Variants in ADAMTSL1 observed in about 807,000 individuals in gnomAD.
The protein encoded by ADAMTSL1 is ADAMTS like 1.
A neutral mutation model predicts 201.8 loss-of-function variants in ADAMTSL1; 126 were observed. The observed-to-expected ratio is 0.62, with a 90% CI of 0.54 to 0.72. The LOEUF (loss-of-function observed/expected upper bound fraction) is 0.72, where lower values mean the gene tolerates loss of function less well. ADAMTSL1 is among the 30% of genes least tolerant of loss of function. The pLI is 0.00. For missense variants in ADAMTSL1, 2,679 were observed against 2,277.8 expected (o/e 1.18, Z -3.59); for synonymous variants, 1,121 against 903.4 (o/e 1.24, Z -4.32).
chr9:18,609,121 G>A (rs1357945877), intron 4 of ADAMTSL1, among the ~76,000 whole-genome samples: 1 of 152,130 alleles, frequency 6.6e-6, no homozygotes, highest in African/African-American at 2.4e-5. Flanking sequence ...GAATGACTAT[G>A]AGAAATCTCT....
At chr9:18,538,972 T>C (rs1168737935) in intron 3 of ADAMTSL1, among the ~76,000 whole-genome samples, 1 of 152,140 alleles carries the variant, frequency 6.6e-6, no homozygotes, top group Admixed American at 6.5e-5. Flanking sequence ...AGAGATGCTC[T>C]AGTAAATAAT....
In ADAMTSL1 at chr9:18,439,066, A is replaced by T. The variant is rs533779040; in HGVS notation, c.208-65763A>T. On this transcript the variant is annotated intron_variant, in intron 2 of 29. Coordinates refer to the ADAMTSL1 transcript ENST00000680146. ...TTGGTTTCCTGCAAAATTCCTTTGG[A>T]GGCTTCCTGGACGTTGCATTCCGAA... Among the ~76,000 whole-genome samples the T allele has an allele frequency of 8.0e-5, 12 of 149,786 alleles. No individual in the cohort carries two copies. In the South Asian group the frequency reaches 2.3e-3, roughly 29 times the overall value.
intron 1 of ADAMTSL1, among the ~76,000 whole-genome samples, chr9:18,063,586 T>G (rs1822556135): frequency 6.6e-6 from 1 of 152,232 alleles, no homozygotes; most frequent in South Asian, 2.1e-4. Context: ...GCGAAGCGAA[T>G]GCAGGGAAGG....
At chr9:18,290,769 C>CTTTTTTTTTTTTTTTTTTTT (rs1345749640) in intron 2 of ADAMTSL1, among the ~76,000 whole-genome samples, 1 of 82,718 alleles carries the variant, frequency 1.2e-5, no homozygotes, top group African/African-American at 4.3e-5. Flanking sequence ...TGAAAGCTGG[C>CTTTTTTTTTTTTTTTTTTTT]TTTTTTTGTG....
intron 2 of ADAMTSL1, among the ~76,000 whole-genome samples, chr9:18,284,613 C>T (rs57582354): frequency 0.034 from 5,130 of 152,234 alleles, 301 homozygotes; most frequent in African/African-American, 0.12. Flanking sequence ...CCAAAACTCA[C>T]GGCCTCAAGT....
At chr9:18,718,111 G>T (rs1383061028) in intron 14 of ADAMTSL1, 7 of 1,235,878 alleles carry the variant, frequency 5.7e-6, no homozygotes, top group South Asian at 1.2e-5. Context: ...ATGCACAGTT[G>T]TTCCATTGTC....
intron 4 of ADAMTSL1, among the ~76,000 whole-genome samples, chr9:18,621,068 A>C (rs1294604707): frequency 2.0e-5 from 3 of 152,222 alleles, no homozygotes; most frequent in African/African-American, 7.2e-5. Flanking sequence ...ACGAACTGTG[A>C]GGACTTTATG....
intron 1 of ADAMTSL1, among the ~76,000 whole-genome samples, chr9:18,501,772 A>T (rs1341288889): frequency 6.6e-6 from 1 of 152,250 alleles, no homozygotes; most frequent in African/African-American, 2.4e-5. Flanking sequence ...TCTACTTGTT[A>T]AAAGAAAACT....
chr9:18,514,056 C>A lies in ADAMTSL1; in HGVS notation c.191+9100C>A, dbSNP rs60405156. 9.6e-3 allele frequency among the ~76,000 whole-genome samples: 1,443 copies of A among 150,140 alleles called. 18 individuals carry two copies. Among genetic ancestry groups the A allele is most frequent in the South Asian group, 0.046 (219 of 4,806 alleles). On this transcript the variant is annotated intron_variant, in intron 2 of 28. Coordinates refer to ENST00000380548, the MANE Select transcript of ADAMTSL1 (RefSeq NM_001040272.6). ...GTTACTGGGAGTTTGATAGGCAACG[C>A]ATTGTATCTATAGATCACATTGGGT...
intron 2 of ADAMTSL1, among the ~76,000 whole-genome samples, chr9:18,451,735 C>G (rs1820413721): frequency 6.6e-6 from 1 of 152,154 alleles, no homozygotes; most frequent in Non-Finnish European, 1.5e-5. Flanking sequence ...TTTTGTGTTA[C>G]TATAACAGAA....
intron 1 of ADAMTSL1, among the ~76,000 whole-genome samples, chr9:18,142,574 G>A (rs370916955): frequency 6.6e-6 from 1 of 152,188 alleles, no homozygotes; most frequent in Non-Finnish European, 1.5e-5. Context: ...TATGAAGCAG[G>A]TGCAGCTGAG....
intron 13 of ADAMTSL1, among the ~76,000 whole-genome samples, chr9:18,693,711 G>C (rs1831377193): frequency 6.6e-6 from 1 of 151,998 alleles, no homozygotes; most frequent in Non-Finnish European, 1.5e-5. Flanking sequence ...ATTATTTATT[G>C]AGCTGCTATT....
At chr9:18,310,385 A>AAAAAAAAAAAC (rs1563877091) in intron 2 of ADAMTSL1, among the ~76,000 whole-genome samples, 1 of 146,258 alleles carries the variant, frequency 6.8e-6, no homozygotes, top group African/African-American at 2.5e-5. Flanking sequence ...AAAAAAAAAA[A>AAAAAAAAAAAC]AAAAAAAAAA....
At chr9:18,126,752 T>C (rs1825747052) in intron 1 of ADAMTSL1, among the ~76,000 whole-genome samples, 1 of 152,230 alleles carries the variant, frequency 6.6e-6, no homozygotes, top group Admixed American at 6.5e-5. Context: ...TAGTATTGAA[T>C]AGTTATCCAA....
At chr9:18,296,340 T>G (rs963498980) in intron 2 of ADAMTSL1, among the ~76,000 whole-genome samples, 2 of 152,232 alleles carry the variant, frequency 1.3e-5, no homozygotes, top group South Asian at 4.1e-4. Context: ...ATAAAAAAAT[T>G]TGGATAACAA....
chr9:18,190,993 T>C (rs978184683), intron 2 of ADAMTSL1, among the ~76,000 whole-genome samples: 1 of 152,176 alleles, frequency 6.6e-6, no homozygotes, highest in African/African-American at 2.4e-5. Flanking sequence ...AAATCTAGAA[T>C]GATGTTACAA....
At chr9:18,223,063 G>T (rs1242851045) in intron 2 of ADAMTSL1, among the ~76,000 whole-genome samples, 24 of 151,816 alleles carry the variant, frequency 1.6e-4, no homozygotes, top group Admixed American at 1.6e-3. Flanking sequence ...TCATTCATTT[G>T]GGGAGGGAGA....
At chr9:18,418,883 A>G (rs79689423) in intron 2 of ADAMTSL1, among the ~76,000 whole-genome samples, 1,686 of 152,342 alleles carry the variant, frequency 0.011, 35 homozygotes, top group African/African-American at 0.038. Flanking sequence ...GAATAGTTAA[A>G]ACAATTTGGA....
At chr9:18,791,058 A>G in intron 19 of ADAMTSL1, among the ~76,000 whole-genome samples, 1 of 152,228 alleles carries the variant, frequency 6.6e-6, no homozygotes, top group East Asian at 1.9e-4. Flanking sequence ...TGGAAACTAA[A>G]TATAAACTGA....
Sources: gnomAD v4.1 joint callset for allele counts (sites outside exome capture counted in the v4.1 genomes callset) on GRCh38, gnomAD v4.1.1 for gene constraint, MANE v1.5 for transcripts, NCBI Gene and HGNC (gene_info 2026-07-23, HGNC 2026-07-21) for gene names.